LRRC4C: variants seen among roughly 807,000 people sequenced by gnomAD.
LRRC4C encodes leucine-rich repeat-containing protein 4C.
In LRRC4C, 5 loss-of-function variants were observed where a neutral mutation model predicts 33.6. That is an observed-to-expected ratio of 0.15 (90% CI 0.08 to 0.31). The LOEUF (loss-of-function observed/expected upper bound fraction) is 0.31, where lower values mean the gene tolerates loss of function less well. Among genes scored for constraint, LRRC4C ranks in the 10% least tolerant of loss-of-function variants. The probability of loss-of-function intolerance (pLI) is 1.00; values close to 1 mark genes in which losing one functional copy is unlikely to be tolerated. For missense variants in LRRC4C, 560 were observed against 796.7 expected, an observed-to-expected ratio of 0.70 and a Z score of 3.58; for synonymous variants, 329 against 302.0, an observed-to-expected ratio of 1.09 and a Z score of -0.93.
intron 5 of LRRC4C, among the ~76,000 whole-genome samples, chr11:40,199,262 G>A (rs989138986): frequency 2.0e-5 from 3 of 151,996 alleles, no homozygotes; most frequent in Non-Finnish European, 2.9e-5. Context: ...GTAGAGACAC[G>A]GTTTCACAAT....
chr11:40,356,528 T>C (rs898066880), intron 3 of LRRC4C, among the ~76,000 whole-genome samples: 1 of 152,190 alleles, frequency 6.6e-6, no homozygotes, highest in African/African-American at 2.4e-5. Context: ...AACTGGGACT[T>C]AAGCAGTCTG....
intron 3 of LRRC4C, among the ~76,000 whole-genome samples, chr11:40,555,073 G>A (rs1957282738): frequency 6.6e-6 from 1 of 152,184 alleles, no homozygotes; most frequent in African/African-American, 2.4e-5. Flanking sequence ...TTGAGGTACA[G>A]AAATGCTACG....
chr11:40,476,778 AT>A (rs1056889753), intron 3 of LRRC4C, among the ~76,000 whole-genome samples: 13 of 152,262 alleles, frequency 8.5e-5, no homozygotes, highest in African/African-American at 2.9e-4. Context: ...GTATATTTTA[AT>A]TTTTTTAATG....
At chr11:41,360,436 C>A (rs1952314438) in intron 1 of LRRC4C, among the ~76,000 whole-genome samples, 1 of 151,732 alleles carries the variant, frequency 6.6e-6, no homozygotes, top group Admixed American at 6.6e-5. Context: ...ATGAGTTTTA[C>A]AATATTGTGA....
chr11:41,342,901 T>C (rs1951686098), intron 1 of LRRC4C, among the ~76,000 whole-genome samples: 1 of 152,208 alleles, frequency 6.6e-6, no homozygotes, highest in Admixed American at 6.5e-5. Context: ...ATCAAAGTGC[T>C]GGGAGGATTA....
intron 2 of LRRC4C, among the ~76,000 whole-genome samples, chr11:40,918,255 A>G (rs1026346727): frequency 1.3e-5 from 2 of 152,090 alleles, no homozygotes; most frequent in African/African-American, 4.8e-5. Flanking sequence ...GGCTAAACAC[A>G]CAGCATTCCA....
chr11:40,559,488 T>C (rs1159258022), intron 3 of LRRC4C, among the ~76,000 whole-genome samples: 3 of 152,116 alleles, frequency 2.0e-5, no homozygotes, highest in Non-Finnish European at 2.9e-5. Flanking sequence ...CCTGACCATA[T>C]GTGTCTTTAT....
In LRRC4C at chr11:40,909,681, G is replaced by A. The variant is rs551959131; in HGVS notation, c.-407+23954C>T. On this transcript the variant is annotated intron_variant, in intron 2 of 6. Transcript: ENST00000528697. Reference sequence around the variant, plus strand: ...TTATGTAACTATAGCAGAGTGGGAGGAAACCCATGACTCATATCTTTTGAC... The same window carrying A: ...TTATGTAACTATAGCAGAGTGGGAGAAAACCCATGACTCATATCTTTTGAC... 6.3e-4 allele frequency among the ~76,000 whole-genome samples: 96 copies of A among 152,194 alleles called. 1 individual carries two copies. The highest frequency in any genetic ancestry group is 2.1e-3 in the African/African-American group (88 of 41,550).
At chr11:41,364,811 A>G (rs564008901) in intron 1 of LRRC4C, among the ~76,000 whole-genome samples, 5 of 152,316 alleles carry the variant, frequency 3.3e-5, no homozygotes, top group South Asian at 4.1e-4. Context: ...CCACCTAGAC[A>G]TAAAGAGAAA....
intron 1 of LRRC4C, among the ~76,000 whole-genome samples, chr11:41,262,861 C>T (rs1949027619): frequency 6.6e-6 from 1 of 152,086 alleles, no homozygotes; most frequent in South Asian, 2.1e-4. Context: ...ACAGTCATTG[C>T]TTACCTGAGA....
chr11:40,289,045 A>G (rs985090622), intron 4 of LRRC4C, among the ~76,000 whole-genome samples: 2 of 152,210 alleles, frequency 1.3e-5, no homozygotes, highest in Non-Finnish European at 2.9e-5. Context: ...AGAAAGTCAT[A>G]ATGCACAGTT....
At chr11:40,448,769 T>C (rs893262980) in intron 3 of LRRC4C, among the ~76,000 whole-genome samples, 2 of 152,336 alleles carry the variant, frequency 1.3e-5, no homozygotes, top group South Asian at 4.1e-4. Context: ...TACCCAGTAA[T>C]GGGATTGCTG....
intron 2 of LRRC4C, among the ~76,000 whole-genome samples, chr11:40,764,042 G>C: frequency 6.6e-6 from 1 of 152,106 alleles, no homozygotes; most frequent in East Asian, 1.9e-4. Flanking sequence ...TTGCACTTTG[G>C]GGAGAGACTC....
At chr11:40,215,109 A>G (rs756266161) in intron 5 of LRRC4C, among the ~76,000 whole-genome samples, 1 of 152,166 alleles carries the variant, frequency 6.6e-6, no homozygotes, top group Non-Finnish European at 1.5e-5. Flanking sequence ...TAATGATATT[A>G]CTATTATTCC....
intron 2 of LRRC4C, among the ~76,000 whole-genome samples, chr11:40,653,693 A>T (rs1942938169): frequency 6.6e-6 from 1 of 152,202 alleles, no homozygotes; most frequent in African/African-American, 2.4e-5. Context: ...AGAAAACCTC[A>T]TTTTCTGAGG....
intron 3 of LRRC4C, among the ~76,000 whole-genome samples, chr11:40,436,994 G>T (rs1951168727): frequency 1.3e-5 from 2 of 152,138 alleles, no homozygotes; most frequent in East Asian, 1.9e-4. Flanking sequence ...GTCCACTTTC[G>T]CTCTGGAGCA....
chr11:40,392,730 T>C (rs903953739), intron 3 of LRRC4C, among the ~76,000 whole-genome samples: 1 of 152,224 alleles, frequency 6.6e-6, no homozygotes, highest in East Asian at 1.9e-4. Context: ...AGAAATATAC[T>C]CAGAAGAAGA....
intron 1 of LRRC4C, among the ~76,000 whole-genome samples, chr11:41,281,977 A>T (rs1018781744): frequency 6.6e-6 from 1 of 152,228 alleles, no homozygotes; most frequent in Admixed American, 6.5e-5. Context: ...GTGAAGGGGG[A>T]TCTCAAAAGT....
intron 2 of LRRC4C, among the ~76,000 whole-genome samples, chr11:40,683,060 A>T (rs968446436): frequency 6.6e-6 from 1 of 152,212 alleles, no homozygotes; most frequent in African/African-American, 2.4e-5. Flanking sequence ...ATATCAGGTG[A>T]TAACATACGA....
Sources: gnomAD v4.1 joint callset for allele counts (sites outside exome capture counted in the v4.1 genomes callset) on GRCh38, gnomAD v4.1.1 for gene constraint, MANE v1.5 for transcripts, NCBI Gene and HGNC (gene_info 2026-07-23, HGNC 2026-07-21) for gene names.